NBAS: variants seen among roughly 807,000 people sequenced by gnomAD.
NBAS encodes the protein NBAS subunit of NRZ tethering complex, also known as NAG/BC035112 fusion.
Under a neutral mutation model 302.5 loss-of-function variants are expected in NBAS, and 219 were observed. That is an observed-to-expected ratio of 0.72 (90% CI 0.65 to 0.81). The LOEUF is 0.81. Ranked by LOEUF, NBAS falls within the 30% of genes least tolerant of loss-of-function variation. The probability of loss-of-function intolerance (pLI) is 0.00; values close to 1 mark genes in which losing one functional copy is unlikely to be tolerated. For synonymous variants in NBAS, 1,118 were observed against 1,021.6 expected (o/e 1.09, Z -1.80); for missense variants, 2,932 against 2,841.6 (o/e 1.03, Z -0.72).
chr2:15,522,214 C>T (rs1662705001), intron 9 of NBAS, among the ~76,000 whole-genome samples: 2 of 152,096 alleles, frequency 1.3e-5, no homozygotes, highest in Non-Finnish European at 1.5e-5. Context: ...GAGGAAACAA[C>T]TTGATAAGTA....
the NBAS span, among the ~76,000 whole-genome samples, chr2:15,127,609 T>C: frequency 6.6e-6 from 1 of 152,364 alleles, no homozygotes; most frequent in Non-Finnish European, 1.5e-5. Context: ...GCTGTTCTTC[T>C]TTTAAGACCT....
the NBAS span, among the ~76,000 whole-genome samples, chr2:14,907,924 T>C: frequency 6.6e-6 from 1 of 152,238 alleles, no homozygotes; most frequent in South Asian, 2.1e-4. Context: ...CTTTTGTCTT[T>C]TGATTGCTTT....
At chr2:15,518,854 G>C (rs1040686541) in intron 9 of NBAS, among the ~76,000 whole-genome samples, 9 of 152,100 alleles carry the variant, frequency 5.9e-5, no homozygotes, top group African/African-American at 2.2e-4. Flanking sequence ...CTTGTGCAGA[G>C]AAACTCCCAT....
At chr2:15,073,646 G>C in the NBAS span, among the ~76,000 whole-genome samples, 1 of 151,616 alleles carries the variant, frequency 6.6e-6, no homozygotes, top group Admixed American at 6.6e-5. Context: ...ATATTACTAA[G>C]CAAAATGTAC....
At chr2:14,879,894 T>C in the NBAS span, among the ~76,000 whole-genome samples, 1 of 152,042 alleles carries the variant, frequency 6.6e-6, no homozygotes, top group Non-Finnish European at 1.5e-5. Context: ...AGACCTCACT[T>C]TAAATGGAAA....
intron 35 of NBAS, among the ~76,000 whole-genome samples, chr2:15,335,222 T>C (rs1672527687): frequency 6.6e-6 from 1 of 150,954 alleles, no homozygotes; most frequent in Non-Finnish European, 1.5e-5. Context: ...TACTATGTCA[T>C]ATCATGTTGT....
the NBAS span, among the ~76,000 whole-genome samples, chr2:14,804,963 C>T: frequency 6.6e-6 from 1 of 152,190 alleles, no homozygotes; most frequent in Non-Finnish European, 1.5e-5. Flanking sequence ...TTTTCTTAGG[C>T]TTTTCTCTTG....
intron 16 of NBAS, among the ~76,000 whole-genome samples, chr2:15,468,809 A>G (rs545867030): frequency 1.3e-5 from 2 of 152,204 alleles, no homozygotes; most frequent in Non-Finnish European, 2.9e-5. Flanking sequence ...GAAATATAAA[A>G]TGTTTCCTCC....
chr2:15,118,726 G>A, the NBAS span, among the ~76,000 whole-genome samples: 2 of 152,072 alleles, frequency 1.3e-5, no homozygotes, highest in Non-Finnish European at 2.9e-5. Flanking sequence ...AGCCCTCTCA[G>A]CCAAGGTGCA....
At chr2:15,423,047 TA>T (rs1291613175) in intron 23 of NBAS, among the ~76,000 whole-genome samples, 1 of 152,236 alleles carries the variant, frequency 6.6e-6, no homozygotes, top group Non-Finnish European at 1.5e-5. Context: ...GTTGATCATT[TA>T]TTTTTTTACA....
At chr2:15,288,698 C>T (rs1333799670) in intron 41 of NBAS, among the ~76,000 whole-genome samples, 1 of 152,116 alleles carries the variant, frequency 6.6e-6, no homozygotes, top group Admixed American at 6.6e-5. Flanking sequence ...AGAAGAGAAA[C>T]GTAGGATGGA....
chr2:15,288,203 T>C (rs1406133657), intron 41 of NBAS, among the ~76,000 whole-genome samples: 1 of 152,270 alleles, frequency 6.6e-6, no homozygotes, highest in African/African-American at 2.4e-5. Context: ...TTTTCTACCC[T>C]GTGCCAGGTA....
intron 19 of NBAS, among the ~76,000 whole-genome samples, chr2:15,466,462 T>C (rs2148570159): frequency 6.6e-6 from 1 of 152,322 alleles, no homozygotes; most frequent in African/African-American, 2.4e-5. Context: ...CCACTTACGC[T>C]TTTAACAATA....
the NBAS span, among the ~76,000 whole-genome samples, chr2:14,908,084 C>T: frequency 1.3e-5 from 2 of 152,186 alleles, no homozygotes; most frequent in Non-Finnish European, 2.9e-5. Flanking sequence ...GTACAGGGGG[C>T]CAGGCGCAGT....
chr2:15,445,472 A>T (rs1186694923), intron 21 of NBAS, among the ~76,000 whole-genome samples: 1 of 133,728 alleles, frequency 7.5e-6, no homozygotes, highest in Non-Finnish European at 1.5e-5. Context: ...ACATGGACAC[A>T]GGAAGGGGAA....
chr2:15,402,138 C>T (rs1362849413), intron 26 of NBAS, 30 bp downstream of exon 26: 2 of 1,612,432 alleles, frequency 1.2e-6, no homozygotes, highest in African/African-American at 2.7e-5. Flanking sequence ...TAAAAAAACA[C>T]AATAAGACTG....
chr2:15,428,879 T>TA (rs1213131349), intron 21 of NBAS, among the ~76,000 whole-genome samples: 1 of 149,366 alleles, frequency 6.7e-6, no homozygotes, highest in African/African-American at 2.5e-5. Context: ...CCGTTTCTAC[T>TA]AAAAATATGA....
At chr2:14,934,420 T>C in the NBAS span, among the ~76,000 whole-genome samples, 1 of 152,326 alleles carries the variant, frequency 6.6e-6, no homozygotes, top group East Asian at 1.9e-4. Flanking sequence ...GTATTACTTA[T>C]ACTTTGCCAA....
chr2:15,478,488 T>A (rs149899550), intron 12 of NBAS, among the ~76,000 whole-genome samples, 199 bp from the exon 13 acceptor site: 39 of 152,332 alleles, frequency 2.6e-4, no homozygotes, highest in Middle Eastern at 3.4e-3. Context: ...CATGTACATA[T>A]TATGACTTGA....
Sources: allele counts gnomAD v4.1 joint callset (sites outside exome capture counted in the v4.1 genomes callset), GRCh38; gene constraint gnomAD v4.1.1; transcripts MANE v1.5; gene names NCBI Gene and HGNC (gene_info 2026-07-23, HGNC 2026-07-21).